The following NTRK3 variants were observed in gnomAD, a reference collection of about 807,000 sequenced individuals.
NTRK3 encodes neurotrophic receptor tyrosine kinase 3.
A neutral mutation model predicts 91.7 loss-of-function variants in NTRK3; 24 were observed. The ratio of observed to expected loss-of-function variants is 0.26; its 90% CI spans 0.19 to 0.37. The LOEUF (loss-of-function observed/expected upper bound fraction) is 0.37, where lower values mean the gene tolerates loss of function less well. Ranked by LOEUF, NTRK3 falls within the 10% of genes least tolerant of loss-of-function variation. NTRK3 has a pLI of 1.00. For synonymous variants in NTRK3, 483 were observed against 404.0 expected, an observed-to-expected ratio of 1.20 and a Z score of -2.34; for missense variants, 880 against 1,068.9, an observed-to-expected ratio of 0.82 and a Z score of 2.46.
intron 14 of NTRK3, among the ~76,000 whole-genome samples, chr15:88,029,711 G>A (rs1215195425): frequency 6.6e-6 from 1 of 152,156 alleles, no homozygotes; most frequent in South Asian, 2.1e-4. Context: ...AGTGACCCTG[G>A]CCTTATCTGC....
chr15:88,233,237 C>T lies in NTRK3; in HGVS notation c.248+22669G>A, dbSNP rs545676598. Among the ~76,000 whole-genome samples the T allele has an allele frequency of 3.3e-5, 5 of 152,234 alleles. No individual in the cohort carries two copies. Among genetic ancestry groups the T allele is most frequent in the South Asian group, 2.1e-4 (1 of 4,826 alleles). On this transcript the variant is annotated intron_variant, in intron 3 of 18. Coordinates refer to ENST00000394480, the Ensembl canonical transcript of NTRK3. This position sits in a 1 kb window ranked among gnomAD's most constrained non-coding sequence, Gnocchi z 4.2. The stretch of plus-strand genomic sequence containing the variant: ...GCACATTGCCAATAAATAACCCCCC[C>T]GCCCCCAGTGTAATCTCTCAGTATC...
At chr15:88,251,469 T>C (rs1022191684) in intron 3 of NTRK3, among the ~76,000 whole-genome samples, 21 of 152,226 alleles carry the variant, frequency 1.4e-4, no homozygotes, top group Admixed American at 1.2e-3. Context: ...GGGATTCACA[T>C]GATCCATCCC....
intron 13 of NTRK3, among the ~76,000 whole-genome samples, chr15:88,109,054 A>G (rs1044925948): frequency 6.6e-6 from 1 of 152,152 alleles, no homozygotes. Context: ...CAAAACAACA[A>G]CAATGCTCCC....
At chr15:88,015,488 C>T (rs2077170821) in intron 14 of NTRK3, among the ~76,000 whole-genome samples, 1 of 152,132 alleles carries the variant, frequency 6.6e-6, no homozygotes, top group Non-Finnish European at 1.5e-5. Flanking sequence ...TTCCCCGCAG[C>T]GTCCTAGCTC....
intron 14 of NTRK3, among the ~76,000 whole-genome samples, chr15:87,952,921 G>C (rs147851591): frequency 6.6e-6 from 1 of 152,010 alleles, no homozygotes; most frequent in Non-Finnish European, 1.5e-5. Flanking sequence ...CAAGGTCGGA[G>C]GCCAGGGCCT....
chr15:88,208,998 C>G (rs1187851824), intron 3 of NTRK3, among the ~76,000 whole-genome samples: 1 of 152,186 alleles, frequency 6.6e-6, no homozygotes, highest in Non-Finnish European at 1.5e-5. Context: ...GGACCAGGTA[C>G]TGCCCACAGC....
intron 14 of NTRK3, among the ~76,000 whole-genome samples, chr15:88,018,396 G>A (rs1268935416): frequency 1.3e-5 from 2 of 152,214 alleles, no homozygotes; most frequent in African/African-American, 2.4e-5. Flanking sequence ...TCAGCTGACG[G>A]TGGGAGGGGG....
At chr15:88,018,875 G>A (rs573414882) in intron 14 of NTRK3, among the ~76,000 whole-genome samples, 1 of 152,218 alleles carries the variant, frequency 6.6e-6, no homozygotes, top group South Asian at 2.1e-4. Flanking sequence ...CCCTTGGTAA[G>A]TATTCAGTAA....
chr15:88,232,785 C>T (rs560868270), intron 3 of NTRK3, among the ~76,000 whole-genome samples: 34 of 152,202 alleles, frequency 2.2e-4, no homozygotes, highest in Non-Finnish European at 4.4e-4. Flanking sequence ...GCCTCCAGGC[C>T]TTCAGTGACA....
chr15:87,876,880 G>A, exon 19 of NTRK3: 1 of 1,586,020 alleles, frequency 6.3e-7, no homozygotes, highest in Non-Finnish European at 8.7e-7. Flanking sequence ...GAAGGGAGAT[G>A]TGAGGCAGGG....
chr15:88,119,807 G>A (rs892276929), intron 13 of NTRK3, among the ~76,000 whole-genome samples: 30 of 152,304 alleles, frequency 2.0e-4, no homozygotes, highest in African/African-American at 6.7e-4. Context: ...CCGACCCCCT[G>A]CTAAATGTAG....
chr15:87,912,668 A>G lies in NTRK3; in HGVS notation c.2133+16523T>C, dbSNP rs74404555. 6.2e-3 allele frequency among the ~76,000 whole-genome samples: 935 copies of G among 151,772 alleles called. 16 individuals carry two copies. The highest frequency in any genetic ancestry group is 0.035 in the East Asian group (181 of 5,118). ...TGGCATTCAATGTATTCACCTGTCA[A>G]ATAAGTGGGTTTGAAAGATGACCTC... On this transcript the variant is annotated intron_variant, in intron 17 of 18. Coordinates refer to ENST00000394480, the Ensembl canonical transcript of NTRK3.
chr15:87,859,885 C>CTATG, exon 19 of NTRK3: 1 of 183,120 alleles, frequency 5.5e-6, no homozygotes, highest in East Asian at 8.9e-5. Flanking sequence ...ATGAGAAAGA[C>CTATG]AGACATATGA....
At chr15:88,039,766 C>T (rs980663381) in intron 13 of NTRK3, among the ~76,000 whole-genome samples, 2 of 152,348 alleles carry the variant, frequency 1.3e-5, no homozygotes, top group Middle Eastern at 3.4e-3. Flanking sequence ...CACGACAATA[C>T]ATTGAACAAA....
chr15:87,982,042 G>A (rs1230966572), intron 14 of NTRK3, among the ~76,000 whole-genome samples: 1 of 152,110 alleles, frequency 6.6e-6, no homozygotes, highest in Non-Finnish European at 1.5e-5. Context: ...AGCATTTGTG[G>A]GCCCTGGAAA....
At chr15:88,131,590 C>A (rs2041353008) in intron 10 of NTRK3, among the ~76,000 whole-genome samples, 1 of 152,300 alleles carries the variant, frequency 6.6e-6, no homozygotes. Flanking sequence ...GGTTTCAGAG[C>A]CTGAGAGAAG....
intron 6 of NTRK3, among the ~76,000 whole-genome samples, chr15:88,145,348 C>T (rs2042792701): frequency 2.0e-5 from 3 of 152,116 alleles, no homozygotes; most frequent in Admixed American, 2.0e-4. Flanking sequence ...TAGAGGGGGG[C>T]TTCTTTATTC....
exon 3 of NTRK3, chr15:88,256,166 C>T (rs764816322): frequency 2.0e-6 from 3 of 1,469,130 alleles, no homozygotes; most frequent in South Asian, 2.3e-5. Flanking sequence ...CCGATCGCTG[C>T]TTCTAAAAAA....
In NTRK3 at chr15:88,234,998, TCTGA is replaced by T. The variant is rs1387990827; in HGVS notation, c.248+20904_248+20907del. On this transcript the variant is annotated intron_variant, in intron 3 of 18. Coordinates refer to ENST00000394480, the Ensembl canonical transcript of NTRK3. This position sits in a 1 kb window ranked among gnomAD's most constrained non-coding sequence, Gnocchi z 6.1. ...CTTCTGGCTCCAGTTCTCATGAAGC[TCTGA>T]CTGTCTGTCACTGACAGATCGAAGC... 2.0e-5 allele frequency among the ~76,000 whole-genome samples: 3 copies of T among 152,146 alleles called. No individual in the cohort carries two copies. Among genetic ancestry groups the T allele is most frequent in the Admixed American group, 2.0e-4 (3 of 15,280 alleles).
Sources: gnomAD v4.1 joint callset for allele counts (sites outside exome capture counted in the v4.1 genomes callset) on GRCh38, gnomAD v4.1.1 for gene constraint, Gnocchi (gnomAD v3.1) non-coding constraint, MANE v1.5 for transcripts, NCBI Gene and HGNC (gene_info 2026-07-23, HGNC 2026-07-21) for gene names.